ZNF746: variants seen among roughly 807,000 people sequenced by gnomAD.
ZNF746 encodes the protein parkin-interacting substrate.
Under a neutral mutation model 41.0 loss-of-function variants are expected in ZNF746, and 13 were observed. That is an observed-to-expected ratio of 0.32 (90% CI 0.21 to 0.50). The LOEUF (loss-of-function observed/expected upper bound fraction) is 0.50. Among genes scored for constraint, ZNF746 ranks in the 20% least tolerant of loss-of-function variants. ZNF746 has a pLI of 0.98. For missense variants in ZNF746, 811 were observed against 922.9 expected, an observed-to-expected ratio of 0.88 and a Z score of 1.57; for synonymous variants, 424 against 396.2, an observed-to-expected ratio of 1.07 and a Z score of -0.83.
Position 149,474,910 on chromosome 7 carries a change from G to T in ZNF746, c.1457C>A (p.Ala486Glu). ...KSFQLQVSLS[A>E]HQRSCGAPDG... ...GGGCGCCCCACAGCTGCGCTGGTGC[G>T]CGCTCAGGCTGACTTGCAGCTGGAA... Residue 486 changes from alanine (A) to glutamate (E), a missense_variant, in exon 7 of 7, where the codon GCG becomes GAG. Physicochemically the swap from Ala to Glu is moderately radical, Grantham distance 107 (BLOSUM62 -1). Around this residue, in one of 4 missense-constraint regions of ZNF746, gnomAD observed 495 missense variants for 481.6 expected, o/e 1.03. Coordinates refer to ENST00000458143, the MANE Select transcript of ZNF746 (RefSeq NM_001394198.1). The surrounding 1 kb of genome is among the most constrained non-coding windows in gnomAD (Gnocchi z 6.3). 6.5e-7 allele frequency: 1 copy of T among 1,538,234 alleles called. No homozygotes were observed.
intron 3 of ZNF746, among the ~76,000 whole-genome samples, chr7:149,493,570 G>A (rs139198223): frequency 3.1e-4 from 47 of 152,344 alleles, no homozygotes; most frequent in African/African-American, 1.1e-3. Flanking sequence ...AAGCAGCACC[G>A]TCTGCCCATG....
intron 3 of ZNF746, 78 bp from the exon 4 acceptor site, chr7:149,493,050 G>A: frequency 1.1e-6 from 1 of 937,522 alleles, no homozygotes. Context: ...ACCAACAATG[G>A]TCTAGAAATG....
intron 6 of ZNF746, among the ~76,000 whole-genome samples, chr7:149,475,840 G>A (rs766205903): frequency 3.9e-5 from 6 of 152,332 alleles, no homozygotes; most frequent in Admixed American, 1.3e-4. Flanking sequence ...CAGACAGCTC[G>A]GCCACACACC....
intron 4 of ZNF746, among the ~76,000 whole-genome samples, chr7:149,486,924 G>A (rs1562990212): frequency 6.6e-6 from 1 of 152,202 alleles, no homozygotes; most frequent in East Asian, 1.9e-4. Context: ...CAGTAACAAT[G>A]TTGTAAAACA....
At chr7:149,475,612 A>C in intron 6 of ZNF746, 129 bp from the exon 7 acceptor site, 1 of 1,451,578 alleles carries the variant, frequency 6.9e-7, no homozygotes, top group Non-Finnish European at 9.2e-7. Flanking sequence ...GGCTGAGCCC[A>C]GAGGGCAGCT....
chr7:149,477,507 C>A, intron 5 of ZNF746, 57 bp downstream of exon 5: 2 of 1,536,080 alleles, frequency 1.3e-6, no homozygotes, highest in East Asian at 2.3e-5. Flanking sequence ...GAGCCCTCCC[C>A]TGTCCCTCCT....
chr7:149,484,352 T>G (rs1585730464), intron 4 of ZNF746, among the ~76,000 whole-genome samples: 1 of 152,188 alleles, frequency 6.6e-6, no homozygotes, highest in Admixed American at 6.5e-5. Flanking sequence ...TTAGGTTTAT[T>G]CCAAGACTGC....
chr7:149,487,512 A>C (rs1298069288), intron 4 of ZNF746: 1 of 152,250 alleles, frequency 6.6e-6, no homozygotes, highest in East Asian at 1.9e-4. Context: ...AATAAGAAAA[A>C]TAAAGTTACA....
chr7:149,493,402 C>T lies in ZNF746; in HGVS notation c.452-430G>A, dbSNP rs182078453. ...CCTCTCTAACAGGTCTCACTGCCCT[C>T]GGCTCCGGGGTCACACAGAAACCAT... On this transcript the variant is annotated intron_variant, in intron 3 of 6. Transcript: ENST00000458143. 9.1e-4 allele frequency among the ~76,000 whole-genome samples: 138 copies of T among 152,222 alleles called. 1 individual carries two copies. The highest frequency in any genetic ancestry group is 4.4e-4 in the Non-Finnish European group (30 of 68,028).
Position 149,477,048 on chromosome 7 carries a change from C to T in ZNF746, c.758-1G>A. On this transcript the variant is annotated splice_acceptor_variant, in intron 5 of 6. Coordinates refer to ENST00000458143, the MANE Select transcript of ZNF746 (RefSeq NM_001394198.1). LOFTEE classifies it high-confidence loss of function. ...GTGGTGGAAAAGTTGGAATGGACAC[C>T]TGCGGTAAGGGGAGAGCAGAGCCGG... is the stretch of plus-strand genomic sequence containing the variant. The T allele has an allele frequency of 6.2e-7, 1 of 1,611,936 alleles. No individual in the cohort carries two copies.
intron 4 of ZNF746, among the ~76,000 whole-genome samples, chr7:149,482,117 G>A (rs113151054): frequency 2.2e-4 from 34 of 152,110 alleles, no homozygotes; most frequent in African/African-American, 7.5e-4. Context: ...TTTTGTACAC[G>A]GTTTTTGAAA....
At chr7:149,478,554 G>A (rs1800388709) in intron 4 of ZNF746, among the ~76,000 whole-genome samples, 1 of 152,192 alleles carries the variant, frequency 6.6e-6, no homozygotes, top group African/African-American at 2.4e-5. Context: ...CCCCAGCATG[G>A]GCAAATGCAG....
At position 149,474,641 on chromosome 7, in the gene ZNF746, G is replaced by A; in HGVS notation, c.1726C>T (p.His576Tyr). The change falls in exon 7 of 7, where the codon CAC (histidine) becomes TAC (tyrosine). Residue 576 changes from histidine (H) to tyrosine (Y), a missense_variant. His to Tyr is a moderately conservative substitution (Grantham distance 83, BLOSUM62 2). Transcript: ENST00000458143. The surrounding 1 kb of genome is among the most constrained non-coding windows in gnomAD (Gnocchi z 6.3). ...RSKLIDHYRT[H>Y]TGVRPFTCTV... is the part of the protein sequence containing the mutation. ...CAGGTGAAGGGCCGCACGCCCGTGT[G>A]CGTTCGGTAGTGGTCGATGAGCTTG... The A allele has an allele frequency of 6.2e-7, 1 of 1,613,734 alleles. No individual in the cohort carries two copies. Among genetic ancestry groups the A allele is most frequent in the Non-Finnish European group, 8.5e-7 (1 of 1,179,838 alleles).
rs1204997649 is a variant in ZNF746, at chr7:149,483,695, AC to A, written c.566-5941del. ...ATTAGAAAATAAATAACATTTAAGA[AC>A]CTTTTCAAAAGTAGAAGGAAATAAT... is the stretch of plus-strand genomic sequence containing the variant. On this transcript the variant is annotated intron_variant, in intron 4 of 6. Coordinates refer to ENST00000458143, the MANE Select transcript of ZNF746 (RefSeq NM_001394198.1). Among the ~76,000 whole-genome samples the A allele has an allele frequency of 1.7e-4, 26 of 152,280 alleles. No homozygotes were observed. In the East Asian group the frequency reaches 5.0e-3, roughly 29 times the overall value.
chr7:149,476,879 C>A (rs1800318086), intron 6 of ZNF746, 43 bp downstream of exon 6: 14 of 1,612,892 alleles, frequency 8.7e-6, no homozygotes, highest in Non-Finnish European at 1.2e-5. Context: ...GTACTCCCCA[C>A]AGGCAAGCAT....
Position 149,479,966 on chromosome 7 carries a change from A to G in ZNF746, c.566-2211T>C, listed in dbSNP as rs192486183. Among the ~76,000 whole-genome samples, 8 of 152,270 alleles carry G rather than the reference A, an allele frequency of 5.3e-5. No individual in the cohort carries two copies. The East Asian group carries it at 1.3e-3, about 26-fold the overall frequency. On this transcript the variant is annotated intron_variant, in intron 4 of 6. Transcript: ENST00000458143. ...ACCCTGTCTCCACAGAGGGGAAAAA[A>G]AAAAGTTTTTAAAAAAAGTTAGCCA...
chr7:149,485,328 T>G (rs1045628550), intron 4 of ZNF746, among the ~76,000 whole-genome samples: 6 of 152,206 alleles, frequency 3.9e-5, no homozygotes, highest in African/African-American at 1.4e-4. Flanking sequence ...ATAGATGGAA[T>G]GCAATTGCAA....
intron 4 of ZNF746, among the ~76,000 whole-genome samples, chr7:149,480,551 G>C (rs529032030): frequency 1.6e-4 from 25 of 152,210 alleles, no homozygotes; most frequent in African/African-American, 5.8e-4. Flanking sequence ...TCCTGCCTCA[G>C]CCTCCCCAGT....
chr7:149,478,933 G>A (rs1267652061), intron 4 of ZNF746, among the ~76,000 whole-genome samples: 1 of 152,220 alleles, frequency 6.6e-6, no homozygotes, highest in Non-Finnish European at 1.5e-5. Flanking sequence ...CAGCTAGAGA[G>A]AATATTAGTG....
Sources: gnomAD v4.1 joint callset for allele counts (sites outside exome capture counted in the v4.1 genomes callset) on GRCh38, gnomAD v4.1.1 for gene constraint, gnomAD v4.1.1 regional missense constraint, Gnocchi (gnomAD v3.1) non-coding constraint, MANE v1.5 for transcripts, NCBI Gene and HGNC (gene_info 2026-07-23, HGNC 2026-07-21) for gene names.